PXDC1: variants seen among roughly 807,000 people sequenced by gnomAD.
The protein encoded by PXDC1 is PX domain containing 1.
In PXDC1, 13 loss-of-function variants were observed where a neutral mutation model predicts 24.4. The observed-to-expected ratio is 0.53, with a 90% CI of 0.35 to 0.85. PXDC1 has a LOEUF of 0.85. PXDC1 is among the 40% of genes least tolerant of loss of function. The pLI is 0.01. For synonymous variants in PXDC1, 162 were observed against 124.9 expected (o/e 1.30, Z -1.98); for missense variants, 344 against 309.3 (o/e 1.11, Z -0.84).
intron 1 of PXDC1, chr6:3,738,940 C>T: frequency 7.7e-7 from 1 of 1,301,198 alleles, no homozygotes; most frequent in Non-Finnish European, 1.0e-6. Flanking sequence ...CTCCCCCACA[C>T]TTGTGTGACC....
intron 3 of PXDC1, among the ~76,000 whole-genome samples, chr6:3,733,150 T>A (rs1219625340): frequency 6.6e-6 from 1 of 151,956 alleles, no homozygotes; most frequent in Admixed American, 6.6e-5. Context: ...GCCTCAGAGG[T>A]CAGAGCTTTG....
intron 4 of PXDC1, 50 bp downstream of exon 4, chr6:3,727,501 C>A (rs752665283): frequency 7.4e-7 from 1 of 1,347,464 alleles, no homozygotes; most frequent in Non-Finnish European, 1.1e-6. Flanking sequence ...TCCCACAAGG[C>A]AAATGGCTCA....
chr6:3,739,827 A>T (rs62392400), intron 1 of PXDC1, among the ~76,000 whole-genome samples: 1 of 152,138 alleles, frequency 6.6e-6, no homozygotes, highest in South Asian at 2.1e-4. Flanking sequence ...ATATTTATAT[A>T]CTACAAGATG....
chr6:3,734,491 A>C (rs1289168875), intron 3 of PXDC1, among the ~76,000 whole-genome samples: 2 of 152,036 alleles, frequency 1.3e-5, no homozygotes, highest in Non-Finnish European at 2.9e-5. Context: ...TGCACTACAA[A>C]ATGCAAAACC....
intron 1 of PXDC1, among the ~76,000 whole-genome samples, chr6:3,743,327 C>A (rs1028828454): frequency 1.5e-4 from 23 of 152,136 alleles, no homozygotes; most frequent in African/African-American, 5.6e-4. Flanking sequence ...CAGTCGGCCC[C>A]GGGGAAATGC....
intron 1 of PXDC1, among the ~76,000 whole-genome samples, chr6:3,742,180 C>T (rs1464643899): frequency 6.6e-6 from 1 of 152,188 alleles, no homozygotes; most frequent in Non-Finnish European, 1.5e-5. Context: ...CTGCTTCCCC[C>T]AAAGCAAACT....
chr6:3,748,367 C>A (rs147468474), intron 1 of PXDC1, among the ~76,000 whole-genome samples: 246 of 152,082 alleles, frequency 1.6e-3, no homozygotes, highest in African/African-American at 4.5e-3. Context: ...AGTGAGAGTG[C>A]GAGGAAAGGG....
chr6:3,729,270 G>A (rs960826289), intron 3 of PXDC1, among the ~76,000 whole-genome samples: 2 of 152,062 alleles, frequency 1.3e-5, no homozygotes, highest in Non-Finnish European at 2.9e-5. Context: ...TCAGTTCTTT[G>A]AACTGCTTTC....
At chr6:3,742,567 G>GGGGCGC (rs1443970495) in intron 1 of PXDC1, among the ~76,000 whole-genome samples, 1 of 152,150 alleles carries the variant, frequency 6.6e-6, no homozygotes, top group Non-Finnish European at 1.5e-5. Flanking sequence ...TGACCAGCAG[G>GGGGCGC]GGGCGCGCGC....
At chr6:3,727,761 T>C (rs969429212) in intron 3 of PXDC1, 99 bp from the exon 4 acceptor site, 1 of 747,758 alleles carries the variant, frequency 1.3e-6, no homozygotes, top group Non-Finnish European at 2.3e-6. Context: ...CTCCTCCACC[T>C]GTTGCCCGTG....
At chr6:3,742,753 C>A (rs114132563) in intron 1 of PXDC1, among the ~76,000 whole-genome samples, 1 of 152,116 alleles carries the variant, frequency 6.6e-6, no homozygotes. Flanking sequence ...CCAGATGTAG[C>A]CAAACAATTA....
At chr6:3,723,878 G>A in intron 4 of PXDC1, 142 bp from the exon 5 acceptor site, 1 of 662,372 alleles carries the variant, frequency 1.5e-6, no homozygotes, top group Non-Finnish European at 2.7e-6. Context: ...TGGTGAGCTG[G>A]CTCCTGCTCT....
intron 1 of PXDC1, among the ~76,000 whole-genome samples, chr6:3,742,928 T>A (rs146348409): frequency 1.3e-5 from 2 of 152,284 alleles, no homozygotes; most frequent in East Asian, 3.9e-4. Flanking sequence ...TATCTGTCAA[T>A]TTGGGGATTA....
In PXDC1 at chr6:3,751,249, GCCCCTCCCGCGTCCCCGGCCCCGCA is replaced by G; in HGVS notation, c.256+2_256+26del. ...CACTTCAAGGCTGCCTCGGCCCCGC[GCCCCTCCCGCGTCCCCGGCCCCGCA>G]CCTTGCCGCAGCGGCCCCTGCGCCA... On this transcript the variant is annotated splice_donor_variant and splice_donor_5th_base_variant and intron_variant, in intron 1 of 4. Coordinates refer to ENST00000380283, the MANE Select transcript of PXDC1 (RefSeq NM_183373.4). LOFTEE classifies it high-confidence loss of function. 7.0e-7 allele frequency: 1 copy of G among 1,430,838 alleles called. No individual in the cohort carries two copies. The highest frequency in any genetic ancestry group is 2.7e-5 in the East Asian group (1 of 36,964). 88.6% of individuals were successfully genotyped at this position (1,430,838 alleles called of 1,614,324 possible).
chr6:3,731,656 A>G (rs746607956), intron 3 of PXDC1, among the ~76,000 whole-genome samples: 4 of 152,180 alleles, frequency 2.6e-5, no homozygotes, highest in Non-Finnish European at 2.9e-5. Flanking sequence ...GGGGGCCCCA[A>G]TCCAGGATCT....
At chr6:3,749,430 A>C in intron 1 of PXDC1, among the ~76,000 whole-genome samples, 1 of 148,506 alleles carries the variant, frequency 6.7e-6, no homozygotes, top group South Asian at 2.3e-4. Flanking sequence ...CGCGTCTTCA[A>C]CCTTTCTTCA....
At chr6:3,744,469 C>T (rs529437516) in intron 1 of PXDC1, among the ~76,000 whole-genome samples, 1 of 152,246 alleles carries the variant, frequency 6.6e-6, no homozygotes, top group South Asian at 2.1e-4. Flanking sequence ...CACTCCCGGG[C>T]AGGAGGCGGC....
chr6:3,749,867 C>G (rs148701102), intron 1 of PXDC1, among the ~76,000 whole-genome samples: 1 of 152,198 alleles, frequency 6.6e-6, no homozygotes, highest in Non-Finnish European at 1.5e-5. Flanking sequence ...ATTTAAGCCT[C>G]GTTCCAGGAA....
chr6:3,729,208 T>G (rs1016676519), intron 3 of PXDC1, among the ~76,000 whole-genome samples: 1 of 152,184 alleles, frequency 6.6e-6, no homozygotes, highest in Non-Finnish European at 1.5e-5. Flanking sequence ...ATTTGCTTTC[T>G]TTGGTAACTG....
Sources: gnomAD v4.1 joint callset for allele counts (sites outside exome capture counted in the v4.1 genomes callset) on GRCh38, gnomAD v4.1.1 for gene constraint, MANE v1.5 for transcripts, NCBI Gene and HGNC (gene_info 2026-07-23, HGNC 2026-07-21) for gene names.